UNC5B: variants seen among roughly 807,000 people sequenced by gnomAD.
UNC5B encodes unc-5 netrin receptor B.
Under a neutral mutation model 103.7 loss-of-function variants are expected in UNC5B, and 56 were observed. The ratio of observed to expected loss-of-function variants is 0.54; its 90% CI spans 0.44 to 0.67. The LOEUF is 0.67. Ranked by LOEUF, UNC5B falls within the 30% of genes least tolerant of loss-of-function variation. The pLI, the probability that UNC5B is intolerant of heterozygous loss-of-function variation, is 0.00. For missense variants in UNC5B, 1,194 were observed against 1,284.5 expected, an observed-to-expected ratio of 0.93 and a Z score of 1.08; for synonymous variants, 577 against 542.0, an observed-to-expected ratio of 1.06 and a Z score of -0.90.
chr10:71,227,636 A>T lies in UNC5B; in HGVS notation c.79+14572A>T, dbSNP rs976249848. Among the ~76,000 whole-genome samples the T allele has an allele frequency of 2.1e-5, 3 of 142,690 alleles. No individual in the cohort carries two copies. In the East Asian group the frequency reaches 6.0e-4, roughly 28 times the overall value. 93.6% of individuals were successfully genotyped at this position (142,690 alleles called of 152,430 possible). On this transcript the variant is annotated intron_variant, in intron 1 of 16. Transcript: ENST00000335350. ...CATATATATACATATATACATATATATACACATATACATATATATACATAT... is the reference window on the plus strand; with the variant it reads ...CATATATATACATATATACATATATTTACACATATACATATATATACATAT...
rs187803165 is a variant in UNC5B, at chr10:71,239,679, G to T, written c.79+26615G>T. 2.2e-3 allele frequency among the ~76,000 whole-genome samples: 341 copies of T among 152,302 alleles called. 2 individuals carry two copies. The highest frequency in any genetic ancestry group is 7.7e-3 in the African/African-American group (320 of 41,568). ...CTCTGTTCAGCAGTGCAAGAGCAGG[G>T]CATCCACGGGGGCGGGCAGTGGGCA... On this transcript the variant is annotated intron_variant, in intron 1 of 16. Transcript: ENST00000335350.
At chr10:71,247,127 C>G (rs1241620738) in intron 1 of UNC5B, among the ~76,000 whole-genome samples, 1 of 152,226 alleles carries the variant, frequency 6.6e-6, no homozygotes, top group Non-Finnish European at 1.5e-5. Flanking sequence ...GCAGGCCCAG[C>G]AGCATTGTCC....
In UNC5B at chr10:71,254,237, G is replaced by T. The variant is rs558817029; in HGVS notation, c.80-25584G>T. 3.3e-5 allele frequency among the ~76,000 whole-genome samples: 5 copies of T among 152,330 alleles called. No individual in the cohort carries two copies. In the South Asian group the frequency reaches 1.0e-3, roughly 32 times the overall value. On this transcript the variant is annotated intron_variant, in intron 1 of 16. Coordinates refer to ENST00000335350, the MANE Select transcript of UNC5B (RefSeq NM_170744.5). ...AGAGGGGGTTTTGTGCCCTACTGGG[G>T]CTGGCGGGAGTCTTCTCCCGTCACA...
chr10:71,246,180 G>A (rs7080150), intron 1 of UNC5B, among the ~76,000 whole-genome samples: 66,669 of 152,096 alleles, frequency 0.44, 14,912 homozygotes, highest in East Asian at 0.53. Flanking sequence ...GGCTGCCCTC[G>A]GTAAGGGAGA....
chr10:71,299,275 T>TGAGCCTCCTGGGACAGCG lies in UNC5B; in HGVS notation c.2838_*17dup. The stretch of plus-strand genomic sequence containing the variant: ...GGCTGTGGCCACCGACGGGGACTGC[T>TGAGCCTCCTGGGACAGCG]GAGCCTCCTGGGACAGCGGGCTGGC... On this transcript the variant is annotated inframe_insertion and stop_retained_variant, in exon 17 of 17. Coordinates refer to ENST00000335350, the MANE Select transcript of UNC5B (RefSeq NM_170744.5). 2 of 1,613,872 alleles carry TGAGCCTCCTGGGACAGCG rather than the reference T, an allele frequency of 1.2e-6. No homozygotes were observed. Among genetic ancestry groups the TGAGCCTCCTGGGACAGCG allele is most frequent in the Non-Finnish European group, 1.7e-6 (2 of 1,180,004 alleles).
intron 2 of UNC5B, among the ~76,000 whole-genome samples, chr10:71,282,535 G>C (rs138286976): frequency 6.6e-6 from 1 of 152,226 alleles, no homozygotes; most frequent in East Asian, 1.9e-4. Flanking sequence ...CCCTTAAAAG[G>C]GCACACTCTT....
intron 3 of UNC5B, among the ~76,000 whole-genome samples, chr10:71,285,072 G>T (rs952462354): frequency 2.6e-5 from 4 of 152,218 alleles, no homozygotes; most frequent in African/African-American, 9.6e-5. Flanking sequence ...CTGTATAAAA[G>T]AAGCTGGCAG....
intron 1 of UNC5B, among the ~76,000 whole-genome samples, chr10:71,228,679 G>T (rs113130537): frequency 0.064 from 9,802 of 152,236 alleles, 996 homozygotes; most frequent in African/African-American, 0.22. Context: ...TTTACCAGAC[G>T]GGAAAACATG....
intron 15 of UNC5B, among the ~76,000 whole-genome samples, chr10:71,297,585 A>T (rs1451340364): frequency 2.0e-5 from 3 of 152,210 alleles, no homozygotes; most frequent in Admixed American, 1.3e-4. Flanking sequence ...TCTAGACTTC[A>T]CTTTCCACCT....
chr10:71,297,867 C>T, intron 15 of UNC5B, 42 bp from the exon 16 acceptor site: 1 of 1,578,768 alleles, frequency 6.3e-7, no homozygotes, highest in South Asian at 1.2e-5. Flanking sequence ...GGGCAGATGC[C>T]CAGCACTGTG....
intron 1 of UNC5B, among the ~76,000 whole-genome samples, chr10:71,253,500 C>T (rs571239758): frequency 3.3e-5 from 5 of 152,300 alleles, no homozygotes; most frequent in Middle Eastern, 6.8e-3. Flanking sequence ...GAAGGCCAGG[C>T]GCATCTGATG....
intron 1 of UNC5B, among the ~76,000 whole-genome samples, chr10:71,255,101 G>A (rs74547977): frequency 1.5e-3 from 223 of 152,180 alleles, no homozygotes; most frequent in African/African-American, 4.8e-3. Context: ...AATCTTTCTC[G>A]TATAATTACA....
chr10:71,270,124 T>C (rs188134317), intron 1 of UNC5B, among the ~76,000 whole-genome samples: 2 of 152,090 alleles, frequency 1.3e-5, no homozygotes, highest in Non-Finnish European at 2.9e-5. Context: ...CCAAGGCAGG[T>C]GGATCACCTG....
chr10:71,245,347 A>G (rs1564714244), intron 1 of UNC5B, among the ~76,000 whole-genome samples: 2 of 152,186 alleles, frequency 1.3e-5, no homozygotes, highest in African/African-American at 2.4e-5. Context: ...TCGCACCTAC[A>G]TTCGCGTTTA....
chr10:71,291,206 C>A, intron 9 of UNC5B, 97 bp downstream of exon 9: 4 of 1,453,404 alleles, frequency 2.8e-6, no homozygotes, highest in Non-Finnish European at 3.7e-6. Context: ...GACTCCCTCC[C>A]AGGGTTTTTC....
At chr10:71,273,378 T>C (rs1844691982) in intron 1 of UNC5B, among the ~76,000 whole-genome samples, 1 of 152,124 alleles carries the variant, frequency 6.6e-6, no homozygotes, top group Admixed American at 6.5e-5. Context: ...GACTGTTGGC[T>C]CTTGGGTCAG....
intron 1 of UNC5B, among the ~76,000 whole-genome samples, chr10:71,262,464 G>T (rs1043549051): frequency 1.3e-5 from 2 of 152,052 alleles, no homozygotes; most frequent in Admixed American, 6.6e-5. Context: ...GGGAGGGATG[G>T]GGCATAGATC....
At chr10:71,259,520 C>G (rs760736671) in intron 1 of UNC5B, among the ~76,000 whole-genome samples, 1 of 152,084 alleles carries the variant, frequency 6.6e-6, no homozygotes, top group Non-Finnish European at 1.5e-5. Flanking sequence ...ACTAAGAAAC[C>G]GAGGCTCAGA....
At chr10:71,241,569 G>A (rs919573427) in intron 1 of UNC5B, among the ~76,000 whole-genome samples, 11 of 152,252 alleles carry the variant, frequency 7.2e-5, no homozygotes, top group African/African-American at 2.6e-4. Flanking sequence ...GGGGAAATGT[G>A]CTTATCGGGC....
Sources: gnomAD v4.1 joint callset for allele counts (sites outside exome capture counted in the v4.1 genomes callset) on GRCh38, gnomAD v4.1.1 for gene constraint, MANE v1.5 for transcripts, NCBI Gene and HGNC (gene_info 2026-07-23, HGNC 2026-07-21) for gene names.